Variants in IDE observed in about 807,000 individuals in gnomAD.
The protein encoded by IDE is insulin-degrading enzyme.
IDE carries 58 observed loss-of-function variants against 133.2 expected under a neutral mutation model. The ratio of observed to expected loss-of-function variants is 0.44; its 90% CI spans 0.35 to 0.54. IDE has a LOEUF of 0.54. IDE is among the 20% of genes least tolerant of loss of function. The pLI is 0.00. For synonymous variants in IDE, 396 were observed against 421.3 expected (o/e 0.94, Z 0.73); for missense variants, 981 against 1,234.0 (o/e 0.79, Z 3.07).
chr10:92,476,537 G>A (rs182849734), intron 15 of IDE, among the ~76,000 whole-genome samples: 1 of 152,048 alleles, frequency 6.6e-6, no homozygotes, highest in African/African-American at 2.4e-5. Context: ...AGGGTACCCA[G>A]GCTAGACTCA....
chr10:92,511,825 T>A (rs1848647682), intron 5 of IDE, among the ~76,000 whole-genome samples: 1 of 152,152 alleles, frequency 6.6e-6, no homozygotes, highest in Non-Finnish European at 1.5e-5. Flanking sequence ...GTCAGAGACA[T>A]CTTTTTGCAG....
chr10:92,491,615 G>GT (rs111226334), intron 11 of IDE, among the ~76,000 whole-genome samples: 19,824 of 139,454 alleles, frequency 0.14, 1,754 homozygotes, highest in African/African-American at 0.24. Context: ...TTTTGTTTTT[G>GT]TTTTTTTTTT....
Position 92,534,601 on chromosome 10 carries a change from T to C in IDE, c.468A>G (p.Glu156=). The C allele has an allele frequency of 6.2e-7, 1 of 1,613,494 alleles. No homozygotes were observed. The highest frequency in any genetic ancestry group is 8.5e-7 in the Non-Finnish European group (1 of 1,179,530). ...ACCTGTCTAGGGCACCTTCTAGGTG[T>C]TCATGAGAAACATCAAAATAGTAAT... ...HTNYYFDVSH[E]HLEGALDRFA... Residue 156 remains glutamate, a synonymous_variant, in exon 3 of 25, where the codon GAA becomes GAG. Coordinates refer to ENST00000265986, the MANE Select transcript of IDE (RefSeq NM_004969.4).
Position 92,454,240 on chromosome 10 carries a change from C to A in IDE, c.*204G>T. The A allele has an allele frequency of 2.3e-6, 1 of 432,140 alleles. No homozygotes were observed. Among genetic ancestry groups the A allele is most frequent in the Non-Finnish European group, 4.1e-6 (1 of 241,396 alleles). 26.8% of individuals were successfully genotyped at this position (432,140 alleles called of 1,614,324 possible). The stretch of plus-strand genomic sequence containing the variant: ...GAAAAATTTTAAAATATTTAAGAGG[C>A]ATGTATTTAAAAAATATTCTACATC... On this transcript the variant is annotated 3_prime_UTR_variant, in exon 25 of 25. Coordinates refer to ENST00000265986, the MANE Select transcript of IDE (RefSeq NM_004969.4).
At chr10:92,464,149 G>T in intron 20 of IDE, 146 bp from the exon 21 acceptor site, 1 of 767,584 alleles carries the variant, frequency 1.3e-6, no homozygotes, top group South Asian at 1.9e-5. Context: ...GAGCACTTAA[G>T]ATGGTTTCAG....
chr10:92,535,493 C>T (rs953448054), intron 2 of IDE, among the ~76,000 whole-genome samples: 1 of 152,122 alleles, frequency 6.6e-6, no homozygotes, highest in Admixed American at 6.6e-5. Context: ...ACTCTACTGG[C>T]TGTGAAACGG....
rs780296196 is a variant in IDE, at chr10:92,456,374, T to A, written c.2881A>T (p.Arg961Trp). 1.2e-6 allele frequency: 2 copies of A among 1,613,234 alleles called. No homozygotes were observed. Among genetic ancestry groups the A allele is most frequent in the African/African-American group, 2.7e-5 (2 of 74,922 alleles). ...RHKVSVHVLAREMDSCPVVGE... is the reference protein window; with the variant it reads ...RHKVSVHVLAWEMDSCPVVGE... ...TGATACTTACAAGAATCCATTTCCCTGGCAAGAACATGGACGGATACCTTA... is the reference window on the plus strand; with the variant it reads ...TGATACTTACAAGAATCCATTTCCCAGGCAAGAACATGGACGGATACCTTA... The change falls in exon 23 of 25, where the codon AGG (arginine) becomes TGG (tryptophan). Residue 961 changes from arginine (R) to tryptophan (W), a missense_variant. This residue lies in a region of IDE where 660 missense variants were observed against 894.7 expected (regional missense o/e 0.74). Transcript: ENST00000265986.
At chr10:92,492,799 T>C (rs1847439618) in intron 11 of IDE, among the ~76,000 whole-genome samples, 1 of 152,216 alleles carries the variant, frequency 6.6e-6, no homozygotes, top group Admixed American at 6.5e-5. Context: ...CTGCCCCTTG[T>C]TGAACCTCCC....
At position 92,454,496 on chromosome 10, in the gene IDE, G is replaced by A. The variant is rs1218384477; in HGVS notation, c.3008C>T (p.Pro1003Leu). 6.2e-7 allele frequency: 1 copy of A among 1,613,800 alleles called. No homozygotes were observed. The highest frequency in any genetic ancestry group is 2.2e-5 in the East Asian group (1 of 44,892). The part of the protein sequence containing the change: ...QNMTEFKRGL[P>L]LFPLVKPHIN... ...ATGTGGTTTCACAAGGGGAAACAGT[G>A]GCAGACCACGCTTGAATTCGGTCAT... The change falls in exon 25 of 25, where the codon CCA (proline) becomes CTA (leucine). Residue 1003 changes from proline to leucine, a missense_variant. Physicochemically the swap from Pro to Leu is moderately conservative, Grantham distance 98. Around this residue, in one of 2 missense-constraint regions of IDE, gnomAD observed 660 missense variants for 894.7 expected, o/e 0.74. Transcript: ENST00000265986.
intron 1 of IDE, among the ~76,000 whole-genome samples, chr10:92,541,024 G>C (rs1842279088): frequency 2.0e-5 from 3 of 152,116 alleles, no homozygotes; most frequent in Admixed American, 2.0e-4. Flanking sequence ...TAATATTCCT[G>C]ATATGGTTGA....
Position 92,510,092 on chromosome 10 carries a change from C to A in IDE, c.855G>T (p.Leu285Phe). 1.2e-6 allele frequency: 2 copies of A among 1,605,782 alleles called. No homozygotes were observed. The highest frequency in any genetic ancestry group is 1.7e-6 in the Non-Finnish European group (2 of 1,173,940). Residue 285 changes from leucine (L) to phenylalanine (F), a missense_variant, in exon 6 of 25, where the codon TTG (leucine) becomes TTT (phenylalanine). Leu to Phe is a conservative substitution (Grantham distance 22). This residue lies in a region of IDE where 321 missense variants were observed against 339.3 expected (regional missense o/e 0.95). Coordinates refer to ENST00000265986, the MANE Select transcript of IDE (RefSeq NM_004969.4). ...GGAAAGGGTGTTCAGGAAATTCTGG[C>A]AATGGAACATTTTTGTTCTCTACTT... Reference protein sequence around the residue: ...FSEVENKNVPLPEFPEHPFQE... With the variant: ...FSEVENKNVPFPEFPEHPFQE...
intron 4 of IDE, among the ~76,000 whole-genome samples, chr10:92,525,103 A>G (rs913307116): frequency 1.3e-5 from 2 of 152,040 alleles, no homozygotes; most frequent in African/African-American, 2.4e-5. Context: ...TCTACTAAAA[A>G]TACAAAAATT....
chr10:92,481,075 C>T (rs1227045685), intron 14 of IDE, among the ~76,000 whole-genome samples: 1 of 152,136 alleles, frequency 6.6e-6, no homozygotes, highest in Non-Finnish European at 1.5e-5. Context: ...TGACAGATTT[C>T]CTTCTTTTGG....
At chr10:92,469,434 CTT>C (rs768111694) in intron 18 of IDE, among the ~76,000 whole-genome samples, 3 of 144,496 alleles carry the variant, frequency 2.1e-5, no homozygotes, top group South Asian at 2.2e-4. Context: ...GGGATCTTTT[CTT>C]TTTTTTTTTT....
chr10:92,499,079 AGT>A (rs1405747587), intron 11 of IDE, among the ~76,000 whole-genome samples: 1 of 152,156 alleles, frequency 6.6e-6, no homozygotes, highest in African/African-American at 2.4e-5. Context: ...AGTAAAAATT[AGT>A]GTGTGTTCTG....
At chr10:92,507,723 G>C in intron 8 of IDE, 57 bp from the exon 9 acceptor site, 3 of 943,644 alleles carry the variant, frequency 3.2e-6, no homozygotes, top group Admixed American at 3.4e-5. Flanking sequence ...TCAAAGCAGT[G>C]AGCTCACTCC....
chr10:92,510,037 T>C lies in IDE; in HGVS notation c.897+13A>G, dbSNP rs1291066426. ...AAATTAAGAAGACAAAATACCAAAA[T>C]TTATGCACTTACTTTAAGATGTTCT... is the stretch of plus-strand genomic sequence containing the variant. On this transcript the variant is annotated intron_variant, in intron 6 of 24. Coordinates refer to ENST00000265986, the MANE Select transcript of IDE (RefSeq NM_004969.4). The C allele has an allele frequency of 1.5e-6, 2 of 1,378,710 alleles. No individual in the cohort carries two copies. Among genetic ancestry groups the C allele is most frequent in the Non-Finnish European group, 2.1e-6 (2 of 974,804 alleles). 85.4% of individuals were successfully genotyped at this position (1,378,710 alleles called of 1,614,324 possible).
At chr10:92,489,585 C>A (rs1417532975) in intron 12 of IDE, among the ~76,000 whole-genome samples, 1 of 151,942 alleles carries the variant, frequency 6.6e-6, no homozygotes, top group Non-Finnish European at 1.5e-5. Flanking sequence ...GTCCAGTGAA[C>A]AGGGGGATTC....
intron 1 of IDE, among the ~76,000 whole-genome samples, chr10:92,547,345 A>G (rs1842576746): frequency 6.6e-6 from 1 of 151,930 alleles, no homozygotes; most frequent in African/African-American, 2.4e-5. Flanking sequence ...CGGCCTCCCA[A>G]AATGCTGGGA....
Sources: allele counts gnomAD v4.1 joint callset (sites outside exome capture counted in the v4.1 genomes callset), GRCh38; gene constraint gnomAD v4.1.1; regional missense constraint gnomAD v4.1.1; transcripts MANE v1.5; gene names NCBI Gene and HGNC (gene_info 2026-07-23, HGNC 2026-07-21).